FOXK1: variants seen among roughly 807,000 people sequenced by gnomAD.
FOXK1 encodes the protein forkhead box protein K1.
FOXK1 carries 19 observed loss-of-function variants against 51.9 expected under a neutral mutation model. That is an observed-to-expected ratio of 0.37 (90% CI 0.26 to 0.54). The LOEUF is 0.54. Ranked by LOEUF, FOXK1 falls within the 20% of genes least tolerant of loss-of-function variation. The pLI is 0.87. For missense variants in FOXK1, 870 were observed against 1,032.7 expected (o/e 0.84, Z 2.16); for synonymous variants, 537 against 482.6 (o/e 1.11, Z -1.48).
chr7:4,683,012 C>T lies in FOXK1; in HGVS notation c.560+144C>T, dbSNP rs549848763. The stretch of plus-strand genomic sequence containing the variant: ...CCCACCCCCGGTAACCCCCGACCGG[C>T]CTGGACTCCGGGGTCAACCCCGACC... On this transcript the variant is annotated intron_variant, in intron 1 of 8. Transcript: ENST00000328914. This position sits in a 1 kb window ranked among gnomAD's most constrained non-coding sequence, Gnocchi z 4.5. The T allele has an allele frequency of 5.8e-4, 498 of 852,312 alleles. 5 individuals carry two copies. In the African/African-American group the frequency reaches 7.8e-3, roughly 13 times the overall value. 52.8% of individuals were successfully genotyped at this position (852,312 alleles called of 1,614,324 possible). A position where few individuals can be genotyped will look rare whatever the true frequency, so the allele number is the denominator to read the frequency against.
rs1432176613 is a variant in FOXK1 at position 4,764,738 on chromosome 7, G to C, written c.*2274G>C. 2.0e-5 allele frequency: 3 copies of C among 152,338 alleles called. No homozygotes were observed. The East Asian group carries it at 5.8e-4, about 29-fold the overall frequency. 9.4% of individuals were successfully genotyped at this position (152,338 alleles called of 1,614,324 possible). On this transcript the variant is annotated 3_prime_UTR_variant, in exon 9 of 9. Transcript: ENST00000328914. ...GTGGCCACCCTGATGGGAGACCTCT[G>C]TTTGCTTCTGGGCCACTGCAGGTTG...
rs1171156271 is a variant in FOXK1 at position 4,743,730 on chromosome 7, CT to C, written c.746+2711del. On this transcript the variant is annotated intron_variant, in intron 2 of 8. Coordinates refer to ENST00000328914, the MANE Select transcript of FOXK1 (RefSeq NM_001037165.2). The surrounding 1 kb of genome is among the most constrained non-coding windows in gnomAD (Gnocchi z 5.3). ...ACACCAGAAGAGGCTGGTCCTGCTGCTTTTGGGGCGGGTAGCAAAGGCCTCA... is the reference window on the plus strand; with the variant it reads ...ACACCAGAAGAGGCTGGTCCTGCTGCTTTGGGGCGGGTAGCAAAGGCCTCA... Among the ~76,000 whole-genome samples the C allele has an allele frequency of 6.6e-6, 1 of 152,164 alleles. No individual in the cohort carries two copies. Among genetic ancestry groups the C allele is most frequent in the African/African-American group, 2.4e-5 (1 of 41,436 alleles).
At chr7:4,705,892 C>T (rs1354692607) in intron 1 of FOXK1, among the ~76,000 whole-genome samples, 1 of 149,294 alleles carries the variant, frequency 6.7e-6, no homozygotes, top group Non-Finnish European at 1.5e-5. Context: ...ATTTTAAGAG[C>T]TCAGCTTTTA....
chr7:4,719,620 T>C (rs1780283179), intron 1 of FOXK1, among the ~76,000 whole-genome samples: 1 of 152,144 alleles, frequency 6.6e-6, no homozygotes. Flanking sequence ...TAGCTGGGAC[T>C]ACAGGCACAC....
Position 4,730,993 on chromosome 7 carries a change from C to T in FOXK1, c.561-9845C>T, listed in dbSNP as rs1307989342. Among the ~76,000 whole-genome samples the T allele has an allele frequency of 6.6e-6, 1 of 151,932 alleles. No homozygotes were observed. The highest frequency in any genetic ancestry group is 1.5e-5 in the Non-Finnish European group (1 of 67,984). On this transcript the variant is annotated intron_variant, in intron 1 of 8. Coordinates refer to ENST00000328914, the MANE Select transcript of FOXK1 (RefSeq NM_001037165.2). The surrounding 1 kb of genome is among the most constrained non-coding windows in gnomAD (Gnocchi z 4.7). The stretch of plus-strand genomic sequence containing the variant: ...ACTAGCCTGGGCAACATAACAAGAC[C>T]CTGTCTCTACAAAAAATCAAAACCA...
rs1232365014 is a variant in FOXK1, at chr7:4,722,308, A to G, written c.561-18530A>G. ...CTCAGATTCCAAAATCTGTTGTTCT[A>G]GAAACTCTCTAAGGTTTTACCCAGA... On this transcript the variant is annotated intron_variant, in intron 1 of 8. Transcript: ENST00000328914. This position sits in a 1 kb window ranked among gnomAD's most constrained non-coding sequence, Gnocchi z 5.1. 6.6e-6 allele frequency among the ~76,000 whole-genome samples: 1 copy of G among 152,204 alleles called. No individual in the cohort carries two copies. Among genetic ancestry groups the G allele is most frequent in the Non-Finnish European group, 1.5e-5 (1 of 68,024 alleles).
chr7:4,720,200 G>A (rs1171378230), intron 1 of FOXK1, among the ~76,000 whole-genome samples: 1 of 152,072 alleles, frequency 6.6e-6, no homozygotes, highest in East Asian at 1.9e-4. Context: ...ATCCTGCATG[G>A]GGCTCACTCA....
chr7:4,682,876 G>A lies in FOXK1; in HGVS notation c.560+8G>A, dbSNP rs1484986623. On this transcript the variant is annotated splice_region_variant and intron_variant, in intron 1 of 8. Transcript: ENST00000328914. The surrounding 1 kb of genome is among the most constrained non-coding windows in gnomAD (Gnocchi z 7.6). ...CCTGCAGCTGCCCAAGCAGTGAGTGGCCCCGCGACCCCCGCCGCCCGCACC... is the reference window on the plus strand; with the variant it reads ...CCTGCAGCTGCCCAAGCAGTGAGTGACCCCGCGACCCCCGCCGCCCGCACC... 1 of 1,468,596 alleles carries A rather than the reference G, an allele frequency of 6.8e-7. No homozygotes were observed. The highest frequency in any genetic ancestry group is 9.0e-7 in the Non-Finnish European group (1 of 1,109,164). 91.0% of individuals were successfully genotyped at this position (1,468,596 alleles called of 1,614,324 possible). A position where few individuals can be genotyped will look rare whatever the true frequency, so the allele number is the denominator to read the frequency against.
rs558278732 is a variant in FOXK1 at position 4,764,043 on chromosome 7, A to C, written c.*1579A>C. 12 of 152,570 alleles carry C rather than the reference A, an allele frequency of 7.9e-5. 1 individual carries two copies. In the East Asian group the frequency reaches 2.1e-3, roughly 27 times the overall value. 9.5% of individuals were successfully genotyped at this position (152,570 alleles called of 1,614,324 possible). A position where few individuals can be genotyped will look rare whatever the true frequency, so the allele number is the denominator to read the frequency against. ...GCCCAGGCCCTGGCGGGAGAGCTGC[A>C]GAGGGACCCAGGTGCCTGGAGGGCA... is the stretch of plus-strand genomic sequence containing the variant. On this transcript the variant is annotated 3_prime_UTR_variant, in exon 9 of 9. Transcript: ENST00000328914.
At chr7:4,693,824 C>G (rs1046970749) in intron 1 of FOXK1, among the ~76,000 whole-genome samples, 1 of 152,096 alleles carries the variant, frequency 6.6e-6, no homozygotes, top group African/African-American at 2.4e-5. Flanking sequence ...GCCTCTGCCT[C>G]CCAGTGTGCT....
In FOXK1 at chr7:4,761,592, G is replaced by C. The variant is rs1243443516; in HGVS notation, c.1921+304G>C. 6.6e-6 allele frequency among the ~76,000 whole-genome samples: 1 copy of C among 152,058 alleles called. No homozygotes were observed. Among genetic ancestry groups the C allele is most frequent in the East Asian group, 1.9e-4 (1 of 5,180 alleles). ...AAGATTCAAAAACTTAGCCAGGTGT[G>C]GTGTTGCACGCTCATGGTCCCAGCT... On this transcript the variant is annotated intron_variant, in intron 8 of 8. Transcript: ENST00000328914. This position sits in a 1 kb window ranked among gnomAD's most constrained non-coding sequence, Gnocchi z 6.2.
chr7:4,694,497 A>T (rs1026718506), intron 1 of FOXK1, among the ~76,000 whole-genome samples: 1 of 152,130 alleles, frequency 6.6e-6, no homozygotes, highest in African/African-American at 2.4e-5. Context: ...TTGTATCACG[A>T]GGGGGAAAGG....
At chr7:4,716,911 G>T (rs1780241439) in intron 1 of FOXK1, among the ~76,000 whole-genome samples, 1 of 152,230 alleles carries the variant, frequency 6.6e-6, no homozygotes, top group African/African-American at 2.4e-5. Context: ...TGTATGTGCA[G>T]CACATCCCCA....
chr7:4,713,006 G>A (rs1264988470), intron 1 of FOXK1, among the ~76,000 whole-genome samples: 1 of 152,162 alleles, frequency 6.6e-6, no homozygotes, highest in East Asian at 1.9e-4. Flanking sequence ...AATGACCAGT[G>A]CCAGCAAAGG....
At chr7:4,686,803 C>G (rs903431653) in intron 1 of FOXK1, among the ~76,000 whole-genome samples, 1 of 150,188 alleles carries the variant, frequency 6.7e-6, no homozygotes, top group African/African-American at 2.5e-5. Context: ...GTCTGGTGTC[C>G]TAAAAGGACC....
At chr7:4,702,990 G>C (rs963873933) in intron 1 of FOXK1, among the ~76,000 whole-genome samples, 1 of 152,268 alleles carries the variant, frequency 6.6e-6, no homozygotes, top group East Asian at 1.9e-4. Context: ...GTCCTCCTGA[G>C]CTCCTGGCCT....
At chr7:4,694,833 G>A (rs572309783) in intron 1 of FOXK1, among the ~76,000 whole-genome samples, 2 of 152,232 alleles carry the variant, frequency 1.3e-5, no homozygotes, top group East Asian at 1.9e-4. Flanking sequence ...ACTGACGCCC[G>A]GATAAATGCC....
At position 4,733,908 on chromosome 7, in the gene FOXK1, C is replaced by G. The variant is rs1450354454; in HGVS notation, c.561-6930C>G. Among the ~76,000 whole-genome samples, 1 of 152,142 alleles carries G rather than the reference C, an allele frequency of 6.6e-6. No individual in the cohort carries two copies. Among genetic ancestry groups the G allele is most frequent in the Non-Finnish European group, 1.5e-5 (1 of 68,020 alleles). ...GCCAGCGCCATGGGATTGGGGAAGCCACAGGGACCTCCCAGCACGCGCCAA... is the reference window on the plus strand; with the variant it reads ...GCCAGCGCCATGGGATTGGGGAAGCGACAGGGACCTCCCAGCACGCGCCAA... On this transcript the variant is annotated intron_variant, in intron 1 of 8. Coordinates refer to ENST00000328914, the MANE Select transcript of FOXK1 (RefSeq NM_001037165.2). The surrounding 1 kb of genome is among the most constrained non-coding windows in gnomAD (Gnocchi z 5.0).
At position 4,769,054 on chromosome 7, in the gene FOXK1, G is replaced by A. The variant is rs12671706; in HGVS notation, c.*6590G>A. ...ATTGGTGAGGCTTTGGAAATTTTTT[G>A]TTTCTTCTACTCATCCTAATGGCTG... On this transcript the variant is annotated 3_prime_UTR_variant, in exon 9 of 9. Coordinates refer to ENST00000328914, the MANE Select transcript of FOXK1 (RefSeq NM_001037165.2). The surrounding 1 kb of genome is among the most constrained non-coding windows in gnomAD (Gnocchi z 4.1). 7.2e-5 allele frequency: 11 copies of A among 152,252 alleles called. No individual in the cohort carries two copies. Among genetic ancestry groups the A allele is most frequent in the African/African-American group, 2.6e-4 (11 of 41,538 alleles). The allele number at this position is 152,252 out of a possible 1,614,324, so 9.4% of individuals were successfully genotyped here. A position where few individuals can be genotyped will look rare whatever the true frequency, so the allele number is the denominator to read the frequency against.
Sources: gnomAD v4.1 joint callset for allele counts (sites outside exome capture counted in the v4.1 genomes callset) on GRCh38, gnomAD v4.1.1 for gene constraint, Gnocchi (gnomAD v3.1) non-coding constraint, MANE v1.5 for transcripts, NCBI Gene and HGNC (gene_info 2026-07-23, HGNC 2026-07-21) for gene names.